Variants in FAM135B observed in about 807,000 individuals in gnomAD.
FAM135B encodes the protein protein FAM135B.
Under a neutral mutation model 127.7 loss-of-function variants are expected in FAM135B, and 43 were observed. That is an observed-to-expected ratio of 0.34 (90% CI 0.26 to 0.43). FAM135B has a LOEUF of 0.43. Ranked by LOEUF, FAM135B falls within the 20% of genes least tolerant of loss-of-function variation. The pLI is 1.00. For missense variants in FAM135B, 1,558 were observed against 1,725.6 expected, an observed-to-expected ratio of 0.90 and a Z score of 1.72; for synonymous variants, 670 against 665.1, an observed-to-expected ratio of 1.01 and a Z score of -0.11.
chr8:138,240,566 A>G (rs746565431), intron 7 of FAM135B, among the ~76,000 whole-genome samples: 1 of 152,180 alleles, frequency 6.6e-6, no homozygotes, highest in African/African-American at 2.4e-5. Context: ...ACTTTTATTG[A>G]GCACTGAGTA....
chr8:138,193,399 G>T (rs1018194062), intron 9 of FAM135B, among the ~76,000 whole-genome samples: 1 of 152,128 alleles, frequency 6.6e-6, no homozygotes, highest in East Asian at 1.9e-4. Context: ...AACATAACAG[G>T]CACAGAAAAC....
At chr8:138,439,306 T>C (rs1460387405) in intron 1 of FAM135B, 3 of 152,146 alleles carry the variant, frequency 2.0e-5, no homozygotes, top group African/African-American at 7.2e-5. Flanking sequence ...TCATAGCACA[T>C]AGGACAATAA....
intron 2 of FAM135B, among the ~76,000 whole-genome samples, chr8:138,359,098 G>A (rs755004632): frequency 2.0e-5 from 3 of 152,026 alleles, no homozygotes; most frequent in Non-Finnish European, 2.9e-5. Context: ...AATCCAGAAT[G>A]TTCATCTACA....
In FAM135B at chr8:138,130,325, A is replaced by C. The variant is rs1227338387; in HGVS notation, c.*2268T>G. ...CTCGACACTCTTATTTACAATATAG[A>C]GATGTACTTTCTACACAATTATAAT... On this transcript the variant is annotated 3_prime_UTR_variant, in exon 20 of 20. Coordinates refer to ENST00000395297, the MANE Select transcript of FAM135B (RefSeq NM_015912.4). The C allele has an allele frequency of 6.6e-6, 1 of 152,128 alleles. No individual in the cohort carries two copies. The highest frequency in any genetic ancestry group is 1.5e-5 in the Non-Finnish European group (1 of 68,030). The allele number at this position is 152,128 out of a possible 1,614,324, so 9.4% of individuals were successfully genotyped here.
rs57656195 is a variant in FAM135B at position 138,251,378 on chromosome 8, C to T, written c.369-364G>A. The stretch of plus-strand genomic sequence containing the variant: ...CTTCTTTATCTCCCCAACAGATGCC[C>T]AGATGTCCAGTGCTCTCCTCATAAC... On this transcript the variant is annotated intron_variant, in intron 5 of 19. Transcript: ENST00000395297. Among the ~76,000 whole-genome samples the T allele has an allele frequency of 7.7e-3, 1,179 of 152,212 alleles. 13 individuals carry two copies. The highest frequency in any genetic ancestry group is 0.023 in the African/African-American group (975 of 41,510).
intron 1 of FAM135B, among the ~76,000 whole-genome samples, chr8:138,426,650 T>C (rs1834907050): frequency 6.6e-6 from 1 of 151,834 alleles, no homozygotes; most frequent in Non-Finnish European, 1.5e-5. Flanking sequence ...TGAATTGTGG[T>C]ATAGTCATAC....
chr8:138,309,858 C>CTTTTTTTTTTTTTT (rs145453026), intron 3 of FAM135B, among the ~76,000 whole-genome samples: 2 of 86,756 alleles, frequency 2.3e-5, no homozygotes, highest in Non-Finnish European at 2.2e-5. Flanking sequence ...AGTCTTTCTA[C>CTTTTTTTTTTTTTT]TTTTTTTTTT....
intron 1 of FAM135B, among the ~76,000 whole-genome samples, chr8:138,415,980 A>G (rs1488511269): frequency 3.3e-5 from 5 of 152,022 alleles, no homozygotes; most frequent in Admixed American, 3.3e-4. Flanking sequence ...GCTAGCCTCA[A>G]TGTTCTCTGC....
intron 12 of FAM135B, among the ~76,000 whole-genome samples, chr8:138,155,557 T>C (rs569761506): frequency 1.0e-3 from 152 of 152,176 alleles, no homozygotes; most frequent in Middle Eastern, 3.4e-3. Context: ...ACCCATCTCA[T>C]GTGCAGAGAC....
chr8:138,322,772 C>A (rs1312613823), intron 2 of FAM135B, among the ~76,000 whole-genome samples: 1 of 152,178 alleles, frequency 6.6e-6, no homozygotes. Flanking sequence ...TTCCCAGTCT[C>A]TTTGCCAGCA....
chr8:138,198,376 T>C (rs1200736029), intron 7 of FAM135B, among the ~76,000 whole-genome samples: 1 of 152,230 alleles, frequency 6.6e-6, no homozygotes, highest in East Asian at 1.9e-4. Context: ...AGCCTGAGAA[T>C]GGACTAATAC....
chr8:138,152,679 C>T lies in FAM135B; in HGVS notation c.1796G>A (p.Gly599Glu), dbSNP rs745812863. 6.2e-7 allele frequency: 1 copy of T among 1,614,166 alleles called. No homozygotes were observed. The highest frequency in any genetic ancestry group is 1.1e-5 in the South Asian group (1 of 91,084). ...RTGLSKVVVG[G>E]SHQNAISSDK... is the part of the protein sequence containing the mutation. ...TGAAGAGATGGCATTTTGGTGGCTTCCACCTACTACCACTTTGCTTAGCCC... is the reference window on the plus strand; with the variant it reads ...TGAAGAGATGGCATTTTGGTGGCTTTCACCTACTACCACTTTGCTTAGCCC... Residue 599 changes from glycine to glutamate, a missense_variant, in exon 13 of 20, where the codon GGA (glycine) becomes GAA (glutamate). Around this residue, in one of 5 missense-constraint regions of FAM135B, gnomAD observed 923 missense variants for 865.3 expected, o/e 1.07. Transcript: ENST00000395297.
chr8:138,479,060 T>C (rs1420646652), intron 1 of FAM135B, among the ~76,000 whole-genome samples: 6 of 152,184 alleles, frequency 3.9e-5, no homozygotes, highest in Non-Finnish European at 8.8e-5. Context: ...GGAAAACATC[T>C]ACTTACATGT....
intron 2 of FAM135B, among the ~76,000 whole-genome samples, chr8:138,314,799 G>A (rs187159992): frequency 6.7e-6 from 1 of 149,006 alleles, no homozygotes. Flanking sequence ...AAAATCACTT[G>A]AGAACAGGAG....
At chr8:138,193,760 C>A (rs1383752723) in intron 9 of FAM135B, among the ~76,000 whole-genome samples, 1 of 152,110 alleles carries the variant, frequency 6.6e-6, no homozygotes, top group Non-Finnish European at 1.5e-5. Flanking sequence ...TAGGAGGGTC[C>A]TTGCGTGAGC....
At chr8:138,412,352 ATT>A (rs1833914642) in intron 1 of FAM135B, among the ~76,000 whole-genome samples, 1 of 152,238 alleles carries the variant, frequency 6.6e-6, no homozygotes, top group Non-Finnish European at 1.5e-5. Flanking sequence ...TCACACCCAG[ATT>A]CCTGATCACA....
intron 19 of FAM135B, among the ~76,000 whole-genome samples, chr8:138,136,404 A>G (rs1415674842): frequency 6.6e-6 from 1 of 152,186 alleles, no homozygotes; most frequent in African/African-American, 2.4e-5. Context: ...AATTTAGATA[A>G]GGTCTAGAAA....
intron 11 of FAM135B, 65 bp downstream of exon 11, chr8:138,177,282 A>G: frequency 1.4e-6 from 2 of 1,474,552 alleles, no homozygotes; most frequent in African/African-American, 2.8e-5. Context: ...GTGAAGAGTA[A>G]CTTTGAACAG....
chr8:138,405,000 T>C (rs939995077), intron 1 of FAM135B, among the ~76,000 whole-genome samples: 3 of 152,166 alleles, frequency 2.0e-5, no homozygotes, highest in Non-Finnish European at 2.9e-5. Flanking sequence ...CAATTTACTT[T>C]TCCCAAATCC....
Sources: gnomAD v4.1 joint callset for allele counts (sites outside exome capture counted in the v4.1 genomes callset) on GRCh38, gnomAD v4.1.1 for gene constraint, gnomAD v4.1.1 regional missense constraint, MANE v1.5 for transcripts, NCBI Gene and HGNC (gene_info 2026-07-23, HGNC 2026-07-21) for gene names.